CDH18: variants seen among roughly 807,000 people sequenced by gnomAD.
The protein encoded by CDH18 is cadherin-18.
In CDH18, 31 loss-of-function variants were observed where a neutral mutation model predicts 67.9. The observed-to-expected ratio is 0.46, with a 90% CI of 0.34 to 0.62. CDH18 has a LOEUF of 0.62. Among genes scored for constraint, CDH18 ranks in the 20% least tolerant of loss-of-function variants. The probability of loss-of-function intolerance (pLI) is 0.01; values close to 1 mark genes in which losing one functional copy is unlikely to be tolerated. For missense variants in CDH18, 890 were observed against 975.5 expected, an observed-to-expected ratio of 0.91 and a Z score of 1.17; for synonymous variants, 362 against 347.2, an observed-to-expected ratio of 1.04 and a Z score of -0.48.
upstream of CDH18, among the ~76,000 whole-genome samples, chr5:19,991,450 T>TCCG (rs1172895720): frequency 6.6e-6 from 1 of 152,206 alleles, no homozygotes; most frequent in Non-Finnish European, 1.5e-5. Flanking sequence ...ATGTAGTTAC[T>TCCG]ATTTTTGTTT....
At chr5:20,281,821 G>T (rs1035581224) in intron 1 of CDH18, among the ~76,000 whole-genome samples, 2 of 152,044 alleles carry the variant, frequency 1.3e-5, no homozygotes, top group Admixed American at 1.3e-4. Flanking sequence ...CCATTTTCAC[G>T]ATATTGATTC....
chr5:20,441,166 AAAG>A lies in CDH18; in HGVS notation c.-580+134293_-580+134295del, dbSNP rs147913680. Among the ~76,000 whole-genome samples, 62 of 152,044 alleles carry A rather than the reference AAAG, an allele frequency of 4.1e-4. No homozygotes were observed. The East Asian group carries it at 0.011, about 27-fold the overall frequency. ...GTTGTTTGTTTCTCTGTGTAAGCAG[AAAG>A]AACAATTGTTCCATTCACTCAATTT... On this transcript the variant is annotated intron_variant, in intron 1 of 14. Transcript: ENST00000507958.
intron 1 of CDH18, among the ~76,000 whole-genome samples, chr5:20,469,027 T>C (rs1751865054): frequency 6.6e-6 from 1 of 152,194 alleles, no homozygotes; most frequent in South Asian, 2.1e-4. Context: ...AGCTCAGCAC[T>C]ACCATTTTCT....
At chr5:19,806,890 A>C (rs777751865) in intron 3 of CDH18, among the ~76,000 whole-genome samples, 1 of 152,214 alleles carries the variant, frequency 6.6e-6, no homozygotes, top group Non-Finnish European at 1.5e-5. Flanking sequence ...TCATTAGCCT[A>C]TTTCCTCACT....
At chr5:20,197,043 G>A (rs937446539) in intron 2 of CDH18, among the ~76,000 whole-genome samples, 4 of 151,986 alleles carry the variant, frequency 2.6e-5, no homozygotes, top group East Asian at 1.9e-4. Context: ...ACAGAGTCTC[G>A]CTCTGTTGCC....
chr5:19,936,704 A>G (rs1271747072), intron 2 of CDH18, among the ~76,000 whole-genome samples: 1 of 151,090 alleles, frequency 6.6e-6, no homozygotes, highest in Non-Finnish European at 1.5e-5. Context: ...TTCTGAATAT[A>G]TTTCTTGAAG....
chr5:19,621,753 C>G (rs1313138358), intron 5 of CDH18, among the ~76,000 whole-genome samples: 1 of 152,166 alleles, frequency 6.6e-6, no homozygotes, highest in African/African-American at 2.4e-5. Context: ...GGCTGTACAA[C>G]ACTGTGCCTA....
chr5:20,398,813 GTAGAAAA>G (rs1745508276), intron 1 of CDH18, among the ~76,000 whole-genome samples: 1 of 149,286 alleles, frequency 6.7e-6, no homozygotes, highest in Admixed American at 6.7e-5. Flanking sequence ...GTATACCTAC[GTAGAAAA>G]CCACCACGGC....
intron 2 of CDH18, among the ~76,000 whole-genome samples, chr5:20,001,411 C>T (rs1216050239): frequency 6.6e-6 from 1 of 151,512 alleles, no homozygotes; most frequent in Non-Finnish European, 1.5e-5. Flanking sequence ...TATATTACTA[C>T]CTTGAAAAAA....
intron 1 of CDH18, among the ~76,000 whole-genome samples, chr5:20,277,910 T>G (rs1745926332): frequency 6.6e-6 from 1 of 152,102 alleles, no homozygotes; most frequent in African/African-American, 2.4e-5. Context: ...GCAGAACTGA[T>G]CATGCAGAAG....
At chr5:19,562,028 T>A (rs1232550401) in intron 8 of CDH18, among the ~76,000 whole-genome samples, 1 of 152,200 alleles carries the variant, frequency 6.6e-6, no homozygotes, top group Non-Finnish European at 1.5e-5. Context: ...GGATTTGCAT[T>A]AAATGTCCAT....
intron 3 of CDH18, among the ~76,000 whole-genome samples, chr5:19,796,411 A>C (rs1334673762): frequency 4.6e-5 from 7 of 152,146 alleles, no homozygotes; most frequent in African/African-American, 1.7e-4. Context: ...AGACTTAAAA[A>C]ACCTGGTGCA....
chr5:19,709,475 G>A (rs1764419978), intron 5 of CDH18, among the ~76,000 whole-genome samples: 1 of 152,052 alleles, frequency 6.6e-6, no homozygotes, highest in South Asian at 2.1e-4. Flanking sequence ...GCTGAGGCTG[G>A]AGAATCACTT....
intron 5 of CDH18, among the ~76,000 whole-genome samples, chr5:19,717,536 C>A (rs1470959063): frequency 6.6e-6 from 1 of 152,000 alleles, no homozygotes; most frequent in Non-Finnish European, 1.5e-5. Flanking sequence ...TTTGTAGTCA[C>A]CACCTGACAA....
intron 1 of CDH18, among the ~76,000 whole-genome samples, chr5:20,556,744 A>C (rs1757928203): frequency 6.6e-6 from 1 of 152,168 alleles, no homozygotes; most frequent in Non-Finnish European, 1.5e-5. Context: ...AAAATTAAGA[A>C]GGTGTTAAGT....
chr5:19,680,154 T>C (rs1452738833), intron 5 of CDH18, among the ~76,000 whole-genome samples: 1 of 151,784 alleles, frequency 6.6e-6, no homozygotes, highest in Non-Finnish European at 1.5e-5. Flanking sequence ...TTTGACAAAT[T>C]TGACAAAAAC....
intron 2 of CDH18, among the ~76,000 whole-genome samples, chr5:19,864,458 T>G (rs1009348062): frequency 1.8e-4 from 28 of 151,706 alleles, no homozygotes; most frequent in East Asian, 5.9e-4. Flanking sequence ...CAGCACACCA[T>G]CATGGCACAT....
chr5:19,906,281 A>G (rs963853364), intron 2 of CDH18, among the ~76,000 whole-genome samples: 1 of 151,918 alleles, frequency 6.6e-6, no homozygotes, highest in Admixed American at 6.6e-5. Flanking sequence ...TCGAATAAAC[A>G]CCTTCTACCC....
chr5:20,013,651 A>G (rs988455532), intron 2 of CDH18, among the ~76,000 whole-genome samples: 1 of 152,100 alleles, frequency 6.6e-6, no homozygotes, highest in Non-Finnish European at 1.5e-5. Flanking sequence ...CATTTTCTCA[A>G]TTTAGATGTA....
Sources: allele counts gnomAD v4.1 joint callset (sites outside exome capture counted in the v4.1 genomes callset), GRCh38; gene constraint gnomAD v4.1.1; transcripts MANE v1.5; gene names NCBI Gene and HGNC (gene_info 2026-07-23, HGNC 2026-07-21).